OS9: variants seen among roughly 807,000 people sequenced by gnomAD.
The protein encoded by OS9 is protein OS-9.
Under a neutral mutation model 84.7 loss-of-function variants are expected in OS9, and 58 were observed. The ratio of observed to expected loss-of-function variants is 0.68; its 90% CI spans 0.55 to 0.85. The LOEUF is 0.85. OS9 is among the 40% of genes least tolerant of loss of function. The probability of loss-of-function intolerance (pLI) is 0.00; values close to 1 mark genes in which losing one functional copy is unlikely to be tolerated. For missense variants in OS9, 760 were observed against 850.9 expected, an observed-to-expected ratio of 0.89 and a Z score of 1.33; for synonymous variants, 278 against 320.8, an observed-to-expected ratio of 0.87 and a Z score of 1.43.
chr12:57,703,687 G>C (rs1954087037), intron 5 of OS9, among the ~76,000 whole-genome samples: 1 of 152,062 alleles, frequency 6.6e-6, no homozygotes, highest in Non-Finnish European at 1.5e-5. Flanking sequence ...GGAAATGTGA[G>C]TCCTCTAACT....
At chr12:57,700,908 A>G (rs1415266847) in intron 5 of OS9, among the ~76,000 whole-genome samples, 3 of 152,218 alleles carry the variant, frequency 2.0e-5, no homozygotes, top group African/African-American at 4.8e-5. Flanking sequence ...TTTTTAAGTT[A>G]TAAAACATAC....
intron 5 of OS9, among the ~76,000 whole-genome samples, chr12:57,701,208 C>T (rs1199184960): frequency 6.8e-6 from 1 of 146,770 alleles, no homozygotes; most frequent in Non-Finnish European, 1.5e-5. Context: ...TTGTTTTTTT[C>T]ACTGATCAGT....
intron 5 of OS9, 102 bp from the exon 6 acceptor site, chr12:57,715,658 A>G (rs1212803776): frequency 1.6e-5 from 13 of 808,198 alleles, no homozygotes; most frequent in Middle Eastern, 2.3e-4. Flanking sequence ...TGTATGCACA[A>G]TGCTTGACAG....
rs201859700 is a variant in OS9 at position 57,717,847 on chromosome 12, T to C, written c.1046-23T>C. 8.1e-5 allele frequency: 110 copies of C among 1,359,406 alleles called. 2 individuals carry two copies. In the East Asian group the frequency reaches 1.1e-3, roughly 13 times the overall value. The allele number at this position is 1,359,406 out of a possible 1,614,324, so 84.2% of individuals were successfully genotyped here. A position where few individuals can be genotyped will look rare whatever the true frequency, so the allele number is the denominator to read the frequency against. On this transcript the variant is annotated intron_variant, in intron 9 of 14. Transcript: ENST00000315970. ...ATTTAAACACAACAGAACAGGTTCA[T>C]GATTATTATTCTTTCATCTCAGATT... is the stretch of plus-strand genomic sequence containing the variant.
At chr12:57,694,598 C>G (rs1484139132) in intron 1 of OS9, 152 bp from the exon 2 acceptor site, 1 of 801,932 alleles carries the variant, frequency 1.2e-6, no homozygotes, top group East Asian at 2.7e-5. Context: ...GGAGCGCCCT[C>G]TCCTCTCACC....
chr12:57,695,878 T>C (rs1238283823), intron 3 of OS9, 35 bp downstream of exon 3: 1 of 1,579,482 alleles, frequency 6.3e-7, no homozygotes, highest in South Asian at 1.1e-5. Context: ...AAGCCCTTAG[T>C]GTCATATCAT....
intron 11 of OS9, 48 bp downstream of exon 11, chr12:57,718,469 T>A (rs1954578240): frequency 6.3e-7 from 1 of 1,584,538 alleles, no homozygotes; most frequent in Non-Finnish European, 8.6e-7. Flanking sequence ...CCTGGTCCCG[T>A]GGAGCAGGAC....
rs559846239 is a variant in OS9, at chr12:57,695,613, G to A, written c.340-167G>A. ...CTCTCCAAGTCACAGAAGGAAAGCA[G>A]CCCTCCCTCCTTACTGAAAGTCTGG... On this transcript the variant is annotated intron_variant, in intron 2 of 14. Coordinates refer to ENST00000315970, the MANE Select transcript of OS9 (RefSeq NM_006812.4). 30 of 714,948 alleles carry A rather than the reference G, an allele frequency of 4.2e-5. 2 individuals are homozygous for A. The Middle Eastern group carries it at 4.3e-3, about 104-fold the overall frequency. The allele number at this position is 714,948 out of a possible 1,614,324, so 44.3% of individuals were successfully genotyped here.
chr12:57,720,873 G>A lies in OS9; in HGVS notation c.1968G>A (p.Gly656=), dbSNP rs1954661671. The A allele has an allele frequency of 6.2e-7, 1 of 1,614,148 alleles. No individual in the cohort carries two copies. Among genetic ancestry groups the A allele is most frequent in the Middle Eastern group, 1.7e-4 (1 of 6,060 alleles). Residue 656 remains glycine (G), a synonymous_variant, in exon 15 of 15, where the codon GGG becomes GGA. Coordinates refer to ENST00000315970, the MANE Select transcript of OS9 (RefSeq NM_006812.4). ...NYRRVWGSPG[G]EGTGDLDEFD... is the part of the protein sequence containing the mutation. ...GCCGGGTGTGGGGCTCTCCAGGTGG[G>A]GAGGGCACAGGGGACCTGGACGAAT...
chr12:57,700,722 T>G (rs1953995830), intron 5 of OS9, among the ~76,000 whole-genome samples: 1 of 151,820 alleles, frequency 6.6e-6, no homozygotes, highest in Non-Finnish European at 1.5e-5. Flanking sequence ...GGCTGTTGGG[T>G]GGATGTTAGC....
intron 9 of OS9, 131 bp downstream of exon 9, chr12:57,716,875 T>A (rs948186876): frequency 2.8e-5 from 21 of 740,542 alleles, no homozygotes; most frequent in Admixed American, 2.3e-4. Flanking sequence ...TTTATAGGAG[T>A]TAATACTCTT....
Position 57,720,801 on chromosome 12 carries a change from G to A in OS9, c.1896G>A (p.Glu632=), listed in dbSNP as rs1954658654. 2.5e-6 allele frequency: 4 copies of A among 1,612,134 alleles called. No individual in the cohort carries two copies. Among genetic ancestry groups the A allele is most frequent in the Non-Finnish European group, 3.4e-6 (4 of 1,178,944 alleles). ...FFNILVPGAE[E]AQKERQRQKE... The stretch of plus-strand genomic sequence containing the variant: ...CCCACCAGGTGCCGGGAGCTGAAGA[G>A]GCCCAGAAGGAACGCCAGCGGCAGA... Residue 632 remains glutamate (E), a synonymous_variant, in exon 15 of 15, where the codon GAG becomes GAA. Coordinates refer to ENST00000315970, the MANE Select transcript of OS9 (RefSeq NM_006812.4).
chr12:57,711,101 C>A (rs79394718), intron 5 of OS9, among the ~76,000 whole-genome samples: 11,174 of 149,272 alleles, frequency 0.075, 472 homozygotes, highest in Non-Finnish European at 0.1. Flanking sequence ...CTCATCTGCT[C>A]ATTTCCCATT....
At chr12:57,695,670 T>C (rs1045484468) in intron 2 of OS9, 110 bp from the exon 3 acceptor site, 23 of 775,954 alleles carry the variant, frequency 3.0e-5, no homozygotes, top group Admixed American at 2.1e-4. Context: ...GGGAAGAGAA[T>C]TGAGTGTGTA....
chr12:57,702,533 GAAC>G (rs1202346001), intron 5 of OS9, among the ~76,000 whole-genome samples: 1 of 152,220 alleles, frequency 6.6e-6, no homozygotes, highest in Non-Finnish European at 1.5e-5. Context: ...ATGCTGCGAT[GAAC>G]ATTGGTGTAC....
Position 57,720,500 on chromosome 12 carries a change from G to C in OS9, c.1860G>C (p.Glu620Asp), listed in dbSNP as rs761714749. ...LTDEDTRNLK[E>D]IFFNILVPGA... ...ATGAGGACACGAGAAACCTCAAGGA[G>C]ATCTTCTTCAATATCTTGGTAAGAG... The change falls in exon 14 of 15, where the codon GAG becomes GAC. Residue 620 changes from glutamate to aspartate, a missense_variant. By Grantham distance (45) the Glu-to-Asp change is conservative. Coordinates refer to ENST00000315970, the MANE Select transcript of OS9 (RefSeq NM_006812.4). The C allele has an allele frequency of 6.2e-7, 1 of 1,611,518 alleles. No homozygotes were observed. Among genetic ancestry groups the C allele is most frequent in the East Asian group, 2.2e-5 (1 of 44,876 alleles).
At chr12:57,713,474 G>T (rs1303662360) in intron 5 of OS9, among the ~76,000 whole-genome samples, 1 of 152,116 alleles carries the variant, frequency 6.6e-6, no homozygotes, top group African/African-American at 2.4e-5. Context: ...GCAAGCTTCC[G>T]TGAGGGCAAT....
intron 5 of OS9, among the ~76,000 whole-genome samples, chr12:57,705,035 T>G (rs1231950449): frequency 1.4e-4 from 21 of 152,236 alleles, no homozygotes; most frequent in Admixed American, 1.4e-3. Context: ...TTGTAATGCC[T>G]CCTCAGTTAT....
At chr12:57,699,394 T>G (rs187775806) in intron 5 of OS9, among the ~76,000 whole-genome samples, 11 of 152,096 alleles carry the variant, frequency 7.2e-5, no homozygotes, top group Admixed American at 2.0e-4. Flanking sequence ...ATGAGAAAAG[T>G]GGGATGGAAC....
Sources: allele counts gnomAD v4.1 joint callset (sites outside exome capture counted in the v4.1 genomes callset), GRCh38; gene constraint gnomAD v4.1.1; transcripts MANE v1.5; gene names NCBI Gene and HGNC (gene_info 2026-07-23, HGNC 2026-07-21).